The following DPP7 variants were observed in gnomAD, a reference collection of about 807,000 sequenced individuals.
The protein encoded by DPP7 is dipeptidyl peptidase 7.
DPP7 carries 74 observed loss-of-function variants against 58.8 expected under a neutral mutation model. That is an observed-to-expected ratio of 1.26 (90% CI 1.04 to 1.53). The LOEUF is 1.53. Ranked by LOEUF, DPP7 falls within the 40% of genes most tolerant of loss-of-function variation. DPP7 has a pLI of 0.00. For missense variants in DPP7, 807 were observed against 692.3 expected (o/e 1.17, Z -1.86); for synonymous variants, 350 against 303.6 (o/e 1.15, Z -1.59).
At position 137,111,687 on chromosome 9, in the gene DPP7, C is replaced by T. The variant is rs111299368; in HGVS notation, c.1272+3G>A. Reference sequence around the variant, plus strand: ...GGGTCATAGGGCCCAGGCCAGGACTCACCCCGCCCCCTGCCCAGGGGTCCA... The same window carrying T: ...GGGTCATAGGGCCCAGGCCAGGACTTACCCCGCCCCCTGCCCAGGGGTCCA... On this transcript the variant is annotated splice_donor_region_variant and intron_variant, in intron 11 of 12. Coordinates refer to ENST00000371579, the MANE Select transcript of DPP7 (RefSeq NM_013379.3). The T allele has an allele frequency of 3.7e-6, 6 of 1,613,474 alleles. No individual in the cohort carries two copies. Among genetic ancestry groups the T allele is most frequent in the Non-Finnish European group, 5.1e-6 (6 of 1,179,962 alleles).
chr9:137,110,577 C>T lies in DPP7; in HGVS notation c.*71G>A. ...CCTCCAGGCGTTTATTCAGCCCCTT[C>T]CCTCTGCCGCCAGCTGCTTGAGTGA... On this transcript the variant is annotated 3_prime_UTR_variant, in exon 13 of 13. Transcript: ENST00000371579. The T allele has an allele frequency of 6.4e-7, 1 of 1,557,090 alleles. No homozygotes were observed.
chr9:137,113,774 G>A, intron 4 of DPP7, 91 bp downstream of exon 4: 4 of 1,393,490 alleles, frequency 2.9e-6, no homozygotes, highest in Non-Finnish European at 2.8e-6. Context: ...AAAGGCAGCG[G>A]TGGGAGTCAG....
chr9:137,114,535 G>A lies in DPP7; in HGVS notation c.109C>T (p.Gln37Ter), dbSNP rs778555396. 4.4e-6 allele frequency: 7 copies of A among 1,573,280 alleles called. No homozygotes were observed. Among genetic ancestry groups the A allele is most frequent in the Admixed American group, 3.6e-5 (2 of 56,262 alleles). The stretch of plus-strand genomic sequence containing the variant: ...AAGTTGAAGTGGTCCAGACGCTGCT[G>A]GAAGAAGCGCTCCTGGAAGCCGGGG... ...PDPGFQERFF[Q>*]QRLDHFNFER... The change falls in exon 2 of 13, where the codon CAG (glutamine) becomes TAG (stop). Residue 37 changes from glutamine (Q) to a stop codon, truncating the protein, a stop_gained. Transcript: ENST00000371579. LOFTEE classifies it high-confidence loss of function.
rs368784110 is a variant in DPP7 at position 137,110,887 on chromosome 9, C to T, written c.1336G>A (p.Asp446Asn). ...VTIQGGAHHL[D>N]LRASHPEDPA... ...GGCCACCTCCCTCCGCACCTGAGGT[C>T]GAGGTGGTGCGCTCCCCCCTGGATG... is the stretch of plus-strand genomic sequence containing the variant. Residue 446 changes from aspartate to asparagine, a missense_variant, in exon 12 of 13, where the codon GAC becomes AAC. Asp to Asn is a conservative substitution (Grantham distance 23). Transcript: ENST00000371579. The T allele has an allele frequency of 2.8e-5, 45 of 1,612,110 alleles. No homozygotes were observed. The highest frequency in any genetic ancestry group is 1.6e-4 in the African/African-American group (12 of 74,894).
In DPP7 at chr9:137,113,950, C is replaced by A; in HGVS notation, c.400G>T (p.Ala134Ser). 2 of 1,587,748 alleles carry A rather than the reference C, an allele frequency of 1.3e-6. No individual in the cohort carries two copies. The highest frequency in any genetic ancestry group is 1.7e-6 in the Non-Finnish European group (2 of 1,173,046). The change falls in exon 4 of 13, where the codon GCC (alanine) becomes TCC (serine). Residue 134 changes from alanine to serine, a missense_variant. Physicochemically the swap from Ala to Ser is moderately conservative, Grantham distance 99. Transcript: ENST00000371579. ...GHTELLTVEQALADFAELLRA... is the reference protein window; with the variant it reads ...GHTELLTVEQSLADFAELLRA... ...AGCAGCTCTGCGAAGTCGGCCAGGG[C>A]CTGCTCCACCGTCAGCAGCTCCGTG...
In DPP7 at chr9:137,111,973, C is replaced by A. The variant is rs10747048; in HGVS notation, c.1107G>T (p.Pro369=). 116 of 1,613,168 alleles carry A rather than the reference C, an allele frequency of 7.2e-5. No homozygotes were observed. The highest frequency in any genetic ancestry group is 1.6e-4 in the Middle Eastern group (1 of 6,078). ...GGAGCTCGTCAGTGAAGGGCAGGTC[C>A]GGGAACATATCGGTCACATTGTTGC... ...FASNNVTDMF[P]DLPFTDELRQ... is the part of the protein sequence containing the mutation. Residue 369 remains proline, a synonymous_variant, in exon 10 of 13, where the codon CCG becomes CCT. Transcript: ENST00000371579.
rs760627134 is a variant in DPP7, at chr9:137,112,193, G to C, written c.969C>G (p.Tyr323Ter). The part of the protein sequence containing the change: ...VYNASGSEHC[Y>*]DIYRLYHSCA... ...AGCTGTGGTAGAGCCGGTAGATGTCGTAGCAGTGCTCGGAGCCCGAGGCGT... is the reference window on the plus strand; with the variant it reads ...AGCTGTGGTAGAGCCGGTAGATGTCCTAGCAGTGCTCGGAGCCCGAGGCGT... The change falls in exon 9 of 13, where the codon TAC becomes TAG. Residue 323 changes from tyrosine to a stop codon, truncating the protein, a stop_gained. Coordinates refer to ENST00000371579, the MANE Select transcript of DPP7 (RefSeq NM_013379.3). LOFTEE classifies it high-confidence loss of function. 2 of 1,605,892 alleles carry C rather than the reference G, an allele frequency of 1.2e-6. No homozygotes were observed. Among genetic ancestry groups the C allele is most frequent in the Non-Finnish European group, 1.7e-6 (2 of 1,179,648 alleles).
chr9:137,116,662 C>T (rs1470399211), upstream of DPP7, among the ~76,000 whole-genome samples: 2 of 152,190 alleles, frequency 1.3e-5, no homozygotes, highest in Non-Finnish European at 2.9e-5. Context: ...TCCCCCAGCC[C>T]GACACCCATA....
intron 8 of DPP7, 181 bp from the exon 9 acceptor site, chr9:137,112,411 G>GC: frequency 4.7e-6 from 3 of 637,444 alleles, no homozygotes; most frequent in Non-Finnish European, 8.1e-6. Context: ...TGTGCTGCCA[G>GC]CCCCGGGCCT....
At chr9:137,112,679 G>T in intron 8 of DPP7, 66 bp downstream of exon 8, 1 of 1,537,080 alleles carries the variant, frequency 6.5e-7, no homozygotes, top group Non-Finnish European at 8.8e-7. Flanking sequence ...CGCCCCACCC[G>T]GCCCCAGGAC....
rs1831554953 is a variant in DPP7 at position 137,114,481 on chromosome 9, G to GA, written c.162dup (p.Gln55SerfsTer156). 1 of 1,577,648 alleles carries GA rather than the reference G, an allele frequency of 6.3e-7. No homozygotes were observed. The highest frequency in any genetic ancestry group is 1.4e-5 in the African/African-American group (1 of 73,620). On this transcript the variant is annotated frameshift_variant, in exon 2 of 13. Coordinates refer to ENST00000371579, the MANE Select transcript of DPP7 (RefSeq NM_013379.3). LOFTEE classifies it high-confidence loss of function. ...GTCTCACCCGACACCAGGAAGCGCT[G>GA]AGGGAAGGTCTTGTTGCCGAAGCGC...
At chr9:137,111,476 CTG>C (rs1360402267) in intron 11 of DPP7, among the ~76,000 whole-genome samples, 1 of 152,202 alleles carries the variant, frequency 6.6e-6, no homozygotes, top group Non-Finnish European at 1.5e-5. Context: ...TATGGTGAGA[CTG>C]TGTCTCTACA....
In DPP7 at chr9:137,114,389, G is replaced by A; in HGVS notation, c.182-7C>T. Reference sequence around the variant, plus strand: ...CCCCGGACCCAGAACCTGTCTGTGGGGAGGGCGGATGAGGCGAGGGTGCCG... The same window carrying A: ...CCCCGGACCCAGAACCTGTCTGTGGAGAGGGCGGATGAGGCGAGGGTGCCG... On this transcript the variant is annotated splice_region_variant and splice_polypyrimidine_tract_variant and intron_variant, in intron 2 of 12. Transcript: ENST00000371579. 1 of 1,598,844 alleles carries A rather than the reference G, an allele frequency of 6.3e-7. No individual in the cohort carries two copies. The highest frequency in any genetic ancestry group is 1.3e-5 in the African/African-American group (1 of 74,260).
upstream of DPP7, among the ~76,000 whole-genome samples, chr9:137,117,257 G>A (rs937999554): frequency 2.6e-5 from 4 of 152,208 alleles, no homozygotes; most frequent in Admixed American, 2.0e-4. Flanking sequence ...CATGTGAAGG[G>A]GCCCAACTTC....
At chr9:137,116,826 C>A (rs765539533), upstream of DPP7, among the ~76,000 whole-genome samples, 1 of 152,198 alleles carries the variant, frequency 6.6e-6, no homozygotes, top group Non-Finnish European at 1.5e-5. Context: ...AGGAGAAAAC[C>A]GCCCTGTGGC....
upstream of DPP7, among the ~76,000 whole-genome samples, chr9:137,117,866 C>T (rs1831667303): frequency 6.6e-6 from 1 of 152,166 alleles, no homozygotes; most frequent in Non-Finnish European, 1.5e-5. Flanking sequence ...ATCTCATCAC[C>T]CCCAGTAGAA....
In DPP7 at chr9:137,111,571, A is replaced by G. The variant is rs76046294; in HGVS notation, c.1272+119T>C. 5.0e-3 allele frequency: 5,559 copies of G among 1,121,212 alleles called. 201 individuals carry two copies. In the African/African-American group the frequency reaches 0.077, roughly 16 times the overall value. The allele number at this position is 1,121,212 out of a possible 1,614,324, so 69.5% of individuals were successfully genotyped here. ...CTGGGAGGCTTGAGCCTCAGAGGTC[A>G]AGGCTGCAGTGAACCCTGATCTCGC... is the stretch of plus-strand genomic sequence containing the variant. On this transcript the variant is annotated intron_variant, in intron 11 of 12. Coordinates refer to ENST00000371579, the MANE Select transcript of DPP7 (RefSeq NM_013379.3).
chr9:137,113,520 G>A, intron 4 of DPP7, 24 bp from the exon 5 acceptor site: 1 of 1,528,262 alleles, frequency 6.5e-7, no homozygotes, highest in Non-Finnish European at 8.8e-7. Flanking sequence ...ACAGGGTTAG[G>A]GCTGCTGCCC....
upstream of DPP7, chr9:137,115,070 G>A (rs543016113): frequency 4.8e-6 from 1 of 210,332 alleles, no homozygotes; most frequent in South Asian, 1.9e-4. Flanking sequence ...CTCCAAGGCA[G>A]GGCCGGGAGA....
Sources: allele counts gnomAD v4.1 joint callset (sites outside exome capture counted in the v4.1 genomes callset), GRCh38; gene constraint gnomAD v4.1.1; transcripts MANE v1.5; gene names NCBI Gene and HGNC (gene_info 2026-07-23, HGNC 2026-07-21).